The following APLF variants were observed in gnomAD, a reference collection of about 807,000 sequenced individuals.
APLF encodes the protein aprataxin and PNKP like factor, also known as aprataxin and PNK-like factor.
A neutral mutation model predicts 55.6 loss-of-function variants in APLF; 61 were observed. That is an observed-to-expected ratio of 1.10 (90% confidence interval 0.89 to 1.36). The LOEUF is 1.36. Among genes scored for constraint, APLF ranks in the 40% most tolerant of loss-of-function variants. The pLI is 0.00. For missense variants in APLF, 611 were observed against 602.5 expected, an observed-to-expected ratio of 1.01 and a Z score of -0.15; for synonymous variants, 207 against 214.8, an observed-to-expected ratio of 0.96 and a Z score of 0.32.
rs1281701635 is a variant in APLF at position 68,529,332 on chromosome 2, G to A, written c.804+3090G>A. On this transcript the variant is annotated intron_variant, in intron 6 of 9. Transcript: ENST00000303795. This position sits in a 1 kb window ranked among gnomAD's most constrained non-coding sequence, Gnocchi z 4.4. ...AAACAGCCAAAGAGTCCTGGGGCAG[G>A]CACAGGTGCAGGAGCCGCGGGGTGA... The A allele has an allele frequency of 3.7e-6, 5 of 1,346,982 alleles. No individual in the cohort carries two copies. The highest frequency in any genetic ancestry group is 2.7e-4 in the Middle Eastern group (1 of 3,764). The allele number at this position is 1,346,982 out of a possible 1,614,324, so 83.4% of individuals were successfully genotyped here.
intron 5 of APLF, among the ~76,000 whole-genome samples, chr2:68,514,089 A>G (rs933859330): frequency 6.6e-6 from 1 of 151,748 alleles, no homozygotes; most frequent in African/African-American, 2.4e-5. Context: ...TGTTAAGTCT[A>G]TCTAGTGAAT....
chr2:68,475,720 A>C (rs772901292), intron 1 of APLF, among the ~76,000 whole-genome samples: 1 of 152,188 alleles, frequency 6.6e-6, no homozygotes, highest in African/African-American at 2.4e-5. Context: ...CTGTTGAAGA[A>C]TAAGACCGAC....
At chr2:68,518,129 A>C (rs1215159286) in intron 5 of APLF, among the ~76,000 whole-genome samples, 1 of 128,738 alleles carries the variant, frequency 7.8e-6, no homozygotes, top group South Asian at 2.3e-4. Flanking sequence ...ATATTAATAT[A>C]TATTAATATA....
In APLF at chr2:68,490,173, AT is replaced by A. The variant is rs750034084; in HGVS notation, c.97-10del. The A allele has an allele frequency of 2.6e-6, 4 of 1,560,062 alleles. No individual in the cohort carries two copies. Among genetic ancestry groups the A allele is most frequent in the South Asian group, 1.2e-5 (1 of 81,726 alleles). On this transcript the variant is annotated splice_polypyrimidine_tract_variant and intron_variant, in intron 1 of 9. Coordinates refer to ENST00000303795, the MANE Select transcript of APLF (RefSeq NM_173545.3). Reference sequence around the variant, plus strand: ...GGAGGTGGCTATTCTTAATCTTTTAATTTTTTTACTGTATAGATAACAGACA... The same window carrying A: ...GGAGGTGGCTATTCTTAATCTTTTAATTTTTTACTGTATAGATAACAGACA...
chr2:68,518,761 ATAT>A (rs1488498014), intron 5 of APLF, among the ~76,000 whole-genome samples: 48 of 117,030 alleles, frequency 4.1e-4, no homozygotes, highest in Non-Finnish European at 6.0e-4. Flanking sequence ...ATATAATAAA[ATAT>A]TAATAATATA....
At chr2:68,503,390 C>G (rs1051746780) in intron 3 of APLF, among the ~76,000 whole-genome samples, 2 of 152,060 alleles carry the variant, frequency 1.3e-5, no homozygotes, top group African/African-American at 2.4e-5. Flanking sequence ...GTCTGGCTTA[C>G]AGTTAAAATT....
At chr2:68,476,110 T>C (rs962053440) in intron 1 of APLF, among the ~76,000 whole-genome samples, 1 of 152,038 alleles carries the variant, frequency 6.6e-6, no homozygotes. Context: ...GATAATCTTT[T>C]GGGAAAGCAC....
chr2:68,568,944 T>G (rs1671381812), intron 9 of APLF, among the ~76,000 whole-genome samples: 1 of 152,148 alleles, frequency 6.6e-6, no homozygotes. Flanking sequence ...GAACATCTCT[T>G]ACCCTACAAA....
chr2:68,475,881 T>TTATATATA lies in APLF; in HGVS notation c.96+8064_96+8071dup, dbSNP rs141693033. On this transcript the variant is annotated intron_variant, in intron 1 of 9. Coordinates refer to ENST00000303795, the MANE Select transcript of APLF (RefSeq NM_173545.3). The stretch of plus-strand genomic sequence containing the variant: ...CCAGTCTGGATTCAGTTTAAGTCTT[T>TTATATATA]TATATATATATATATATTTTACTTA... Among the ~76,000 whole-genome samples the TTATATATA allele has an allele frequency of 6.8e-3, 1,004 of 148,722 alleles. 7 individuals are homozygous for TTATATATA. The highest frequency in any genetic ancestry group is 0.023 in the African/African-American group (938 of 40,472).
At chr2:68,546,952 A>C (rs965278797) in intron 8 of APLF, among the ~76,000 whole-genome samples, 7 of 151,838 alleles carry the variant, frequency 4.6e-5, no homozygotes, top group Admixed American at 3.3e-4. Context: ...GAAGAAATAA[A>C]ACTTTGTGTT....
At chr2:68,534,836 T>G (rs1019732146) in intron 6 of APLF, among the ~76,000 whole-genome samples, 1 of 152,208 alleles carries the variant, frequency 6.6e-6, no homozygotes. Flanking sequence ...CACTCGTCAG[T>G]TCAGTGACTT....
intron 2 of APLF, among the ~76,000 whole-genome samples, chr2:68,498,378 G>T (rs115194537): frequency 0.026 from 3,911 of 152,228 alleles, 66 homozygotes; most frequent in South Asian, 0.043. Context: ...TGATTAAATG[G>T]TTTTCTGCTT....
chr2:68,471,585 T>G (rs1313580260), intron 1 of APLF, among the ~76,000 whole-genome samples: 1 of 152,156 alleles, frequency 6.6e-6, no homozygotes, highest in Non-Finnish European at 1.5e-5. Context: ...GGGACAGTGA[T>G]AAATGACAAC....
chr2:68,542,258 A>G (rs1220905142), intron 7 of APLF, among the ~76,000 whole-genome samples: 1 of 152,200 alleles, frequency 6.6e-6, no homozygotes, highest in Non-Finnish European at 1.5e-5. Flanking sequence ...GATTTCTTGG[A>G]TATGACACCA....
At chr2:68,541,859 T>G (rs1670561097) in intron 7 of APLF, among the ~76,000 whole-genome samples, 1 of 152,156 alleles carries the variant, frequency 6.6e-6, no homozygotes, top group Non-Finnish European at 1.5e-5. Flanking sequence ...TGATCAAAGT[T>G]GGAGGTCTCA....
At chr2:68,515,992 T>C (rs1442494758) in intron 5 of APLF, among the ~76,000 whole-genome samples, 1 of 151,774 alleles carries the variant, frequency 6.6e-6, no homozygotes, top group Non-Finnish European at 1.5e-5. Flanking sequence ...GCAGGATGCA[T>C]TTTGGTTTAT....
At chr2:68,568,209 CT>C in intron 9 of APLF, 10 of 933,762 alleles carry the variant, frequency 1.1e-5, no homozygotes, top group Non-Finnish European at 1.3e-5. Context: ...TAAAATCTGG[CT>C]TTTTCATATC....
rs535626919 is a variant in APLF, at chr2:68,522,870, CTT to C, written c.623-3190_623-3189del. ...GAAACAAATTTCTATTGAATTAAGT[CTT>C]AATATAAAAATTAAAACAAGGCATT... On this transcript the variant is annotated intron_variant, in intron 5 of 9. Coordinates refer to ENST00000303795, the MANE Select transcript of APLF (RefSeq NM_173545.3). 2.1e-3 allele frequency among the ~76,000 whole-genome samples: 321 copies of C among 151,764 alleles called. 1 individual carries two copies. Among genetic ancestry groups the C allele is most frequent in the African/African-American group, 7.2e-3 (300 of 41,430 alleles).
At chr2:68,518,599 A>ATCAT (rs1427126356) in intron 5 of APLF, among the ~76,000 whole-genome samples, 1 of 103,380 alleles carries the variant, frequency 9.7e-6, no homozygotes, top group African/African-American at 4.0e-5. Context: ...TCATGAATAT[A>ATCAT]TAATATATCA....
Sources: allele counts gnomAD v4.1 joint callset (sites outside exome capture counted in the v4.1 genomes callset), GRCh38; gene constraint gnomAD v4.1.1; non-coding constraint Gnocchi (gnomAD v3.1); transcripts MANE v1.5; gene names NCBI Gene and HGNC (gene_info 2026-07-23, HGNC 2026-07-21).